BDP1: variants seen among roughly 807,000 people sequenced by gnomAD.
BDP1 encodes the protein BDP1 general transcription factor IIIB subunit, also known as transcription factor TFIIIB component B'' homolog.
In BDP1, 169 loss-of-function variants were observed where a neutral mutation model predicts 266.6. That is an observed-to-expected ratio of 0.63 (90% CI 0.56 to 0.72). BDP1 has a LOEUF of 0.72. BDP1 is among the 30% of genes least tolerant of loss of function. The pLI is 0.00. For missense variants in BDP1, 3,015 were observed against 3,053.8 expected (o/e 0.99, Z 0.30); for synonymous variants, 1,090 against 1,022.4 (o/e 1.07, Z -1.26).
chr5:71,578,225 G>A, the BDP1 span, among the ~76,000 whole-genome samples: 1 of 152,286 alleles, frequency 6.6e-6, no homozygotes, highest in South Asian at 2.1e-4. Context: ...ATGGAGGGCT[G>A]TGTAAAGCTC....
chr5:71,482,714 A>G (rs1280709568), intron 7 of BDP1, among the ~76,000 whole-genome samples: 2 of 152,222 alleles, frequency 1.3e-5, no homozygotes, highest in Non-Finnish European at 2.9e-5. Context: ...TTCTTTTAGG[A>G]CATTTAATTT....
In BDP1 at chr5:71,510,676, T is replaced by C. The variant is rs1231940910; in HGVS notation, c.3584T>C (p.Val1195Ala). The change falls in exon 17 of 39, where the codon GTA becomes GCA. Residue 1195 changes from valine to alanine, a missense_variant. By Grantham distance (64) the Val-to-Ala change is moderately conservative. Transcript: ENST00000358731. ...CGAGAGGTGATTGATGCTGCTGAGG[T>C]AATAGAGACAGATTTGGAAGAAACT... ...KTREVIDAAE[V>A]IETDLEETER... 6.2e-7 allele frequency: 1 copy of C among 1,606,226 alleles called. No homozygotes were observed. The highest frequency in any genetic ancestry group is 8.5e-7 in the Non-Finnish European group (1 of 1,177,512).
intron 16 of BDP1, 152 bp downstream of exon 16, chr5:71,504,903 A>G (rs141801419): frequency 1.4e-6 from 1 of 736,628 alleles, no homozygotes; most frequent in South Asian, 1.9e-5. Flanking sequence ...CTTTCAAGAA[A>G]GTTTATGTTG....
Position 71,532,380 on chromosome 5 carries a change from GTGACTACTGAAGAAA to G in BDP1, c.5849_5863del (p.Thr1950_Met1954del), listed in dbSNP as rs1451763286. The G allele has an allele frequency of 1.2e-6, 2 of 1,613,614 alleles. No homozygotes were observed. The highest frequency in any genetic ancestry group is 4.5e-5 in the East Asian group (2 of 44,806). On this transcript the variant is annotated inframe_deletion, in exon 26 of 39. Coordinates refer to ENST00000358731, the MANE Select transcript of BDP1 (RefSeq NM_018429.3). ...TGAACATGAGCTACCAAACACAGAT[GTGACTACTGAAGAAA>G]TGAAACAAGAAGAAAATTTGAGTGT...
Position 71,525,598 on chromosome 5 carries a change from CA to C in BDP1, c.5772+1277del, listed in dbSNP as rs1561751180. Among the ~76,000 whole-genome samples the C allele has an allele frequency of 4.6e-3, 395 of 86,028 alleles. 1 individual carries two copies. The highest frequency in any genetic ancestry group is 0.013 in the Middle Eastern group (2 of 156). The allele number at this position is 86,028 out of a possible 152,430, so 56.4% of individuals were successfully genotyped here. A position where few individuals can be genotyped will look rare whatever the true frequency, so the allele number is the denominator to read the frequency against. ...CTGGCCGGGCGGGGGGCTGACCCCC[CA>C]ACCTCCTTCCCGGACGGGGCGGCTG... On this transcript the variant is annotated intron_variant, in intron 25 of 38. Transcript: ENST00000358731.
intron 22 of BDP1, among the ~76,000 whole-genome samples, chr5:71,521,120 G>A (rs1765469754): frequency 6.7e-6 from 1 of 150,328 alleles, no homozygotes; most frequent in African/African-American, 2.5e-5. Context: ...CCTGGAGGCG[G>A]AGGTTACAGT....
At chr5:71,481,103 T>G (rs1158109782) in intron 7 of BDP1, among the ~76,000 whole-genome samples, 1 of 150,366 alleles carries the variant, frequency 6.7e-6, no homozygotes, top group Non-Finnish European at 1.5e-5. Context: ...GAACCCGGGA[T>G]GCAGAGGTTG....
chr5:71,524,138 G>T lies in BDP1; in HGVS notation c.5587G>T (p.Ala1863Ser), dbSNP rs1386527502. Residue 1863 changes from alanine to serine, a missense_variant, in exon 25 of 39, where the codon GCC (alanine) becomes TCC (serine). Ala to Ser is a moderately conservative substitution (Grantham distance 99). Transcript: ENST00000358731. ...TAAGAAGGAACCTAGAGCTTCCAAG[G>T]CCATGCTGGTGACTCTTCGGGCTTC... ...TSKKEPRASK[A>S]MLVTLRASQE... 1 of 1,614,172 alleles carries T rather than the reference G, an allele frequency of 6.2e-7. No individual in the cohort carries two copies.
rs570595366 is a variant in BDP1 at position 71,477,114 on chromosome 5, G to A, written c.1014+6625G>A. ...TGCCTACCTCAGCCTCCCAAAGTGCGGGGATTATAGGCATGAGCCACCGAG... is the reference window on the plus strand; with the variant it reads ...TGCCTACCTCAGCCTCCCAAAGTGCAGGGATTATAGGCATGAGCCACCGAG... On this transcript the variant is annotated intron_variant, in intron 7 of 38. Transcript: ENST00000358731. Among the ~76,000 whole-genome samples, 145 of 151,632 alleles carry A rather than the reference G, an allele frequency of 9.6e-4. 2 individuals are homozygous for A. The highest frequency in any genetic ancestry group is 2.9e-3 in the African/African-American group (120 of 41,368).
At chr5:71,496,789 G>T (rs1275993951) in intron 12 of BDP1, among the ~76,000 whole-genome samples, 1 of 152,130 alleles carries the variant, frequency 6.6e-6, no homozygotes, top group African/African-American at 2.4e-5. Flanking sequence ...CACCATGTTT[G>T]CCAGGCTGGT....
chr5:71,472,888 C>CTTTTTTTTTTTT (rs57109617), intron 7 of BDP1, among the ~76,000 whole-genome samples: 2 of 53,944 alleles, frequency 3.7e-5, no homozygotes, highest in African/African-American at 6.9e-5. Context: ...CTCTCTCTCT[C>CTTTTTTTTTTTT]TTTTTTTTTT....
chr5:71,538,928 T>G (rs1018989186), intron 26 of BDP1, 114 bp from the exon 27 acceptor site: 42 of 707,192 alleles, frequency 5.9e-5, no homozygotes, highest in Non-Finnish European at 9.5e-5. Context: ...ACAAACCAGT[T>G]TACACTATTG....
intron 26 of BDP1, among the ~76,000 whole-genome samples, chr5:71,536,485 A>G (rs1436772399): frequency 2.6e-5 from 4 of 152,214 alleles, no homozygotes; most frequent in African/African-American, 9.6e-5. Context: ...AGTGCATACA[A>G]TTCTGACAGG....
At chr5:71,512,629 T>G (rs1764991247) in intron 18 of BDP1, among the ~76,000 whole-genome samples, 1 of 152,204 alleles carries the variant, frequency 6.6e-6, no homozygotes, top group Non-Finnish European at 1.5e-5. Flanking sequence ...TGTAACAGTC[T>G]TAAATCAATA....
In BDP1 at chr5:71,544,442, C is replaced by G; in HGVS notation, c.6498C>G (p.Ser2166Arg). 6.2e-7 allele frequency: 1 copy of G among 1,613,994 alleles called. No homozygotes were observed. The highest frequency in any genetic ancestry group is 8.5e-7 in the Non-Finnish European group (1 of 1,179,922). Residue 2166 changes from serine (S) to arginine (R), a missense_variant, in exon 31 of 39, where the codon AGC (serine) becomes AGG (arginine). By Grantham distance (110) the Ser-to-Arg change is moderately radical (BLOSUM62 -1). Transcript: ENST00000358731. Reference protein sequence around the residue: ...PVTTAENKDQSKLACVHGIKG... With the variant: ...PVTTAENKDQRKLACVHGIKG... ...CAACAGCAGAGAATAAGGATCAGAG[C>G]AAATTGGCATGTGTACATGGTATCA... is the stretch of plus-strand genomic sequence containing the variant.
At chr5:71,531,795 C>T (rs1766261292) in intron 25 of BDP1, among the ~76,000 whole-genome samples, 1 of 152,192 alleles carries the variant, frequency 6.6e-6, no homozygotes, top group Non-Finnish European at 1.5e-5. Context: ...AGGCGTGAGC[C>T]ACTGCGCCTG....
At chr5:71,520,596 C>CA (rs1561743648) in intron 22 of BDP1, among the ~76,000 whole-genome samples, 2 of 151,922 alleles carry the variant, frequency 1.3e-5, no homozygotes, top group Non-Finnish European at 2.9e-5. Flanking sequence ...TTTTTGATCT[C>CA]AAAGAATTAT....
In BDP1 at chr5:71,466,371, GTTAGA is replaced by G. The variant is rs550092389; in HGVS notation, c.785+154_785+158del. The G allele has an allele frequency of 2.5e-4, 207 of 843,740 alleles. 2 individuals are homozygous for G. In the African/African-American group the frequency reaches 2.8e-3, roughly 12 times the overall value. 52.3% of individuals were successfully genotyped at this position (843,740 alleles called of 1,614,324 possible). ...ATGAATATTGTAAATAGAAAAGTGGGTTAGATTAATTTGTAAATTTTAGTAATTTT... is the reference window on the plus strand; with the variant it reads ...ATGAATATTGTAAATAGAAAAGTGGGTTAATTTGTAAATTTTAGTAATTTT... On this transcript the variant is annotated intron_variant, in intron 5 of 38. Transcript: ENST00000358731.
intron 34 of BDP1, among the ~76,000 whole-genome samples, chr5:71,550,396 C>T (rs1039957053): frequency 4.6e-5 from 7 of 152,032 alleles, no homozygotes. Flanking sequence ...AAAAGATCCT[C>T]ATGCCTCAGC....
Sources: gnomAD v4.1 joint callset for allele counts (sites outside exome capture counted in the v4.1 genomes callset) on GRCh38, gnomAD v4.1.1 for gene constraint, MANE v1.5 for transcripts, NCBI Gene and HGNC (gene_info 2026-07-23, HGNC 2026-07-21) for gene names.